ANKRD62: variants seen among roughly 807,000 people sequenced by gnomAD.
ANKRD62 encodes ankyrin repeat domain-containing protein 62.
Under a neutral mutation model 98.8 loss-of-function variants are expected in ANKRD62, and 61 were observed. That is an observed-to-expected ratio of 0.62 (90% CI 0.50 to 0.76). The LOEUF (loss-of-function observed/expected upper bound fraction) is 0.76. Ranked by LOEUF, ANKRD62 falls within the 30% of genes least tolerant of loss-of-function variation. The probability of loss-of-function intolerance (pLI) is 0.00; values close to 1 mark genes in which losing one functional copy is unlikely to be tolerated. For missense variants in ANKRD62, 933 were observed against 1,082.9 expected, an observed-to-expected ratio of 0.86 and a Z score of 1.94; for synonymous variants, 341 against 367.9, an observed-to-expected ratio of 0.93 and a Z score of 0.84.
At chr18:12,115,209 A>G (rs1909635592) in intron 9 of ANKRD62, 88 bp downstream of exon 9, 1 of 1,321,362 alleles carries the variant, frequency 7.6e-7, no homozygotes, top group Non-Finnish European at 9.9e-7. Flanking sequence ...TGCTGTAAAG[A>G]CATTGACTTT....
intron 5 of ANKRD62, among the ~76,000 whole-genome samples, 197 bp from the exon 6 acceptor site, chr18:12,099,418 G>A (rs1356081102): frequency 7.5e-6 from 1 of 133,882 alleles, no homozygotes; most frequent in Non-Finnish European, 1.7e-5. Context: ...AATTTACTGA[G>A]TTATACTGTC....
chr18:12,150,155 T>C, the ANKRD62 span, among the ~76,000 whole-genome samples: 1 of 151,862 alleles, frequency 6.6e-6, no homozygotes, highest in Non-Finnish European at 1.5e-5. Context: ...AATTTCACAA[T>C]GCAATTGCAA....
the ANKRD62 span, among the ~76,000 whole-genome samples, chr18:12,155,605 G>A: frequency 6.6e-6 from 1 of 152,114 alleles, no homozygotes; most frequent in South Asian, 2.1e-4. Context: ...GCCAGGCCTA[G>A]GTGTACAAAG....
chr18:12,168,482 C>A, the ANKRD62 span, among the ~76,000 whole-genome samples: 1 of 152,152 alleles, frequency 6.6e-6, no homozygotes, highest in African/African-American at 2.4e-5. Flanking sequence ...CTGTTCTTTT[C>A]CATTGATCTA....
At chr18:12,169,585 T>G in the ANKRD62 span, among the ~76,000 whole-genome samples, 2 of 152,234 alleles carry the variant, frequency 1.3e-5, no homozygotes, top group Non-Finnish European at 2.9e-5. Context: ...GATATTGGTC[T>G]AAAATTCTCT....
Position 12,107,340 on chromosome 18 carries a change from T to C in ANKRD62, c.937T>C (p.Ser313Pro), listed in dbSNP as rs1909435941. ...KKCRNKKMEV[S>P]RNVHADDSDN... ...ATGCAGAAATAAGAAAATGGAAGTG[T>C]CAAGAAACGTACATGCTGATGACAG... The change falls in exon 8 of 14, where the codon TCA becomes CCA. Residue 313 changes from serine (S) to proline (P), a missense_variant. Around this residue, in one of 3 missense-constraint regions of ANKRD62, gnomAD observed 549 missense variants for 587.9 expected, o/e 0.93. Transcript: ENST00000587848. 1 of 1,498,322 alleles carries C rather than the reference T, an allele frequency of 6.7e-7. No individual in the cohort carries two copies. Among genetic ancestry groups the C allele is most frequent in the Non-Finnish European group, 8.9e-7 (1 of 1,129,880 alleles). 92.8% of individuals were successfully genotyped at this position (1,498,322 alleles called of 1,614,324 possible).
chr18:12,155,723 T>TAGTAGCTCCTAGGAG, the ANKRD62 span, among the ~76,000 whole-genome samples: 1 of 152,200 alleles, frequency 6.6e-6, no homozygotes, highest in Non-Finnish European at 1.5e-5. Flanking sequence ...CCTAGTATAT[T>TAGTAGCTCCTAGGAG]CTACCTAATG....
chr18:12,127,417 G>A (rs776865750), intron 13 of ANKRD62, among the ~76,000 whole-genome samples: 1 of 152,122 alleles, frequency 6.6e-6, no homozygotes, highest in African/African-American at 2.4e-5. Context: ...TAAAAAAGAC[G>A]GAAAACACTG....
At chr18:12,127,403 C>G (rs1283601538) in intron 13 of ANKRD62, among the ~76,000 whole-genome samples, 5 of 152,158 alleles carry the variant, frequency 3.3e-5, no homozygotes, top group African/African-American at 9.7e-5. Flanking sequence ...TGAGCTTCTT[C>G]TTATAAAAAA....
chr18:12,137,592 T>C, the ANKRD62 span, among the ~76,000 whole-genome samples: 2 of 152,236 alleles, frequency 1.3e-5, no homozygotes, highest in Non-Finnish European at 2.9e-5. Flanking sequence ...TCCCTCTTTT[T>C]CTATTGGTTG....
At chr18:12,108,930 G>T (rs997680494) in intron 8 of ANKRD62, among the ~76,000 whole-genome samples, 1 of 152,220 alleles carries the variant, frequency 6.6e-6, no homozygotes, top group African/African-American at 2.4e-5. Context: ...CAAAATGTGG[G>T]CTCCCATGGC....
rs183423174 is a variant in ANKRD62 at position 12,115,645 on chromosome 18, C to T, written c.1240+111C>T. The T allele has an allele frequency of 8.9e-4, 815 of 916,816 alleles. 1 individual carries two copies. The highest frequency in any genetic ancestry group is 7.3e-4 in the Middle Eastern group (2 of 2,742). 56.8% of individuals were successfully genotyped at this position (916,816 alleles called of 1,614,324 possible). On this transcript the variant is annotated intron_variant, in intron 10 of 13. Transcript: ENST00000587848. ...TGATGTGTTATAGGGATGTTCATCT[C>T]GGAAATATCCTTCTTGTGAACATAG...
At chr18:12,150,472 C>A in the ANKRD62 span, among the ~76,000 whole-genome samples, 2,880 of 152,174 alleles carry the variant, frequency 0.019, 86 homozygotes, top group African/African-American at 0.065. Flanking sequence ...ATTTTACACA[C>A]GAATACCATC....
the ANKRD62 span, among the ~76,000 whole-genome samples, chr18:12,176,084 C>T: frequency 6.6e-6 from 1 of 151,556 alleles, no homozygotes; most frequent in Non-Finnish European, 1.5e-5. Context: ...CCCAGCTACT[C>T]GGAAGACTGA....
intron 10 of ANKRD62, among the ~76,000 whole-genome samples, chr18:12,118,521 A>G (rs1453822471): frequency 6.6e-6 from 1 of 151,946 alleles, no homozygotes; most frequent in Non-Finnish European, 1.5e-5. Flanking sequence ...AAGCAGGAGA[A>G]TCGCTTGAAG....
chr18:12,127,328 A>C (rs1422802948), intron 13 of ANKRD62, among the ~76,000 whole-genome samples: 1 of 152,184 alleles, frequency 6.6e-6, no homozygotes, highest in African/African-American at 2.4e-5. Flanking sequence ...TTTTCTTCTG[A>C]GGTGGAAATC....
At chr18:12,106,592 T>C (rs762555715) in intron 7 of ANKRD62, among the ~76,000 whole-genome samples, 90 of 152,326 alleles carry the variant, frequency 5.9e-4, no homozygotes, top group South Asian at 1.2e-3. Context: ...TTTTTGATAA[T>C]GGGGCCAAAG....
At chr18:12,133,931 C>G (rs1910042145), downstream of ANKRD62, among the ~76,000 whole-genome samples, 1 of 151,920 alleles carries the variant, frequency 6.6e-6, no homozygotes, top group African/African-American at 2.4e-5. Context: ...GATTTGCTTC[C>G]TTGCCCCAAA....
the ANKRD62 span, among the ~76,000 whole-genome samples, chr18:12,175,793 C>T: frequency 2.2e-4 from 33 of 152,004 alleles, no homozygotes; most frequent in Admixed American, 1.8e-3. Flanking sequence ...TTTGTTTTTG[C>T]CTTGCATGGA....
Sources: allele counts gnomAD v4.1 joint callset (sites outside exome capture counted in the v4.1 genomes callset), GRCh38; gene constraint gnomAD v4.1.1; regional missense constraint gnomAD v4.1.1; transcripts MANE v1.5; gene names NCBI Gene and HGNC (gene_info 2026-07-23, HGNC 2026-07-21).